Variants in CNTRL observed in about 807,000 individuals in gnomAD.
CNTRL encodes 110 kDa centrosomal protein.
CNTRL carries 233 observed loss-of-function variants against 303.7 expected under a neutral mutation model. The ratio of observed to expected loss-of-function variants is 0.77; its 90% CI spans 0.69 to 0.86. The LOEUF is 0.86. Ranked by LOEUF, CNTRL falls within the 40% of genes least tolerant of loss-of-function variation. The pLI is 0.00. For missense variants in CNTRL, 2,524 were observed against 2,650.6 expected (o/e 0.95, Z 1.05); for synonymous variants, 900 against 922.2 (o/e 0.98, Z 0.44).
intron 39 of CNTRL, chr9:121,171,144 A>C: frequency 2.0e-6 from 1 of 505,730 alleles, no homozygotes; most frequent in Non-Finnish European, 3.7e-6. Context: ...GGGTATTATT[A>C]TTCTCATTTT....
chr9:121,138,061 T>G (rs888482674), intron 15 of CNTRL, among the ~76,000 whole-genome samples: 1 of 152,210 alleles, frequency 6.6e-6, no homozygotes, highest in African/African-American at 2.4e-5. Context: ...ATGAACTCAC[T>G]TGTGATGCTT....
chr9:121,120,348 A>T (rs2050173075), intron 12 of CNTRL, among the ~76,000 whole-genome samples: 2 of 152,216 alleles, frequency 1.3e-5, no homozygotes, highest in African/African-American at 4.8e-5. Flanking sequence ...ATTGAAACCA[A>T]GGTATTAATA....
At chr9:121,153,082 C>G (rs1376720764) in intron 26 of CNTRL, among the ~76,000 whole-genome samples, 6 of 152,220 alleles carry the variant, frequency 3.9e-5, no homozygotes, top group Admixed American at 3.9e-4. Context: ...CAGTTGGTCT[C>G]TAAATCCTGC....
intron 31 of CNTRL, 52 bp downstream of exon 31, chr9:121,159,071 T>G: frequency 6.7e-7 from 1 of 1,497,888 alleles, no homozygotes; most frequent in Non-Finnish European, 9.1e-7. Flanking sequence ...TGCTATAGGT[T>G]TACTTTGATG....
chr9:121,128,825 G>A (rs1310646489), intron 14 of CNTRL, among the ~76,000 whole-genome samples: 1 of 152,184 alleles, frequency 6.6e-6, no homozygotes, highest in Non-Finnish European at 1.5e-5. Context: ...TGTATAAGGT[G>A]TAAGGAAGAG....
At chr9:121,141,264 A>T in intron 17 of CNTRL, 117 bp from the exon 18 acceptor site, 1 of 762,058 alleles carries the variant, frequency 1.3e-6, no homozygotes, top group Non-Finnish European at 2.1e-6. Context: ...ATTGCTATAG[A>T]TTGACACCAG....
intron 27 of CNTRL, among the ~76,000 whole-genome samples, chr9:121,156,388 A>G (rs1272826073): frequency 6.6e-6 from 1 of 152,124 alleles, no homozygotes; most frequent in Non-Finnish European, 1.5e-5. Context: ...AGTGTGCCAG[A>G]CATGTTAAAA....
Position 121,085,176 on chromosome 9 carries a change from A to G in CNTRL, c.-31-3120A>G, listed in dbSNP as rs577216144. ...GATTTAAAAGATATTTTATGGTTTC[A>G]TTTCTCTAAAGTTCAAAAATAGTTC... On this transcript the variant is annotated intron_variant, in intron 2 of 43. Transcript: ENST00000373855. Among the ~76,000 whole-genome samples, 3 of 152,314 alleles carry G rather than the reference A, an allele frequency of 2.0e-5. No homozygotes were observed. The South Asian group carries it at 6.2e-4, about 32-fold the overall frequency.
In CNTRL at chr9:121,177,542, T is replaced by C. The variant is rs769695347; in HGVS notation, c.*356T>C. The C allele has an allele frequency of 1.2e-5, 3 of 244,930 alleles. No homozygotes were observed. The highest frequency in any genetic ancestry group is 2.2e-5 in the African/African-American group (1 of 45,398). The allele number at this position is 244,930 out of a possible 1,614,324, so 15.2% of individuals were successfully genotyped here. A position where few individuals can be genotyped will look rare whatever the true frequency, so the allele number is the denominator to read the frequency against. ...ATGTACTTAAGGCCCTCTTTATTTA[T>C]AGTGTCGAGTTATTTTTGAATTTTG... On this transcript the variant is annotated 3_prime_UTR_variant, in exon 44 of 44. Transcript: ENST00000373855.
Position 121,160,229 on chromosome 9 carries a change from TA to T in CNTRL, c.5017del (p.Ile1673Ter). On this transcript the variant is annotated frameshift_variant, in exon 32 of 44. Transcript: ENST00000373855. LOFTEE classifies it high-confidence loss of function. ...GTGAAAGAAAAACTCAACTTACACT[TA>T]TAAAGCAGGAAATTGAAAAAGAGGA... ...ISERKTQLTL[I>X]KQEIEKEEEN... 6.4e-7 allele frequency: 1 copy of T among 1,567,214 alleles called. No homozygotes were observed.
Position 121,136,083 on chromosome 9 carries a change from A to G in CNTRL, c.2202+101A>G. 3 of 1,081,218 alleles carry G rather than the reference A, an allele frequency of 2.8e-6. 1 individual carries two copies. The South Asian group carries it at 5.2e-5, about 19-fold the overall frequency. The allele number at this position is 1,081,218 out of a possible 1,614,324, so 67.0% of individuals were successfully genotyped here. A position where few individuals can be genotyped will look rare whatever the true frequency, so the allele number is the denominator to read the frequency against. The stretch of plus-strand genomic sequence containing the variant: ...TTAATTTAAAATTAAGCGTTTTTTC[A>G]TACAATATATATGGAGTGATGGGAA... On this transcript the variant is annotated intron_variant, in intron 15 of 43. Coordinates refer to ENST00000373855, the MANE Select transcript of CNTRL (RefSeq NM_007018.6).
chr9:121,102,093 A>G (rs975446457), intron 7 of CNTRL, among the ~76,000 whole-genome samples: 2 of 152,178 alleles, frequency 1.3e-5, no homozygotes, highest in African/African-American at 4.8e-5. Flanking sequence ...CAGAGACACA[A>G]CAAAAAAAGA....
chr9:121,104,494 C>T (rs1463207975), intron 7 of CNTRL, among the ~76,000 whole-genome samples: 1 of 151,842 alleles, frequency 6.6e-6, no homozygotes, highest in African/African-American at 2.4e-5. Context: ...ACGTTGTGCA[C>T]ATGTACCCTA....
In CNTRL at chr9:121,141,986, A is replaced by T. The variant is rs910148480; in HGVS notation, c.2692-105A>T. On this transcript the variant is annotated intron_variant, in intron 18 of 43. Coordinates refer to ENST00000373855, the MANE Select transcript of CNTRL (RefSeq NM_007018.6). ...CTGACAACTCATTAGTAAAAAATTA[A>T]GTTACAGCCTGTTGTAAAATGGGTG... 14 of 883,712 alleles carry T rather than the reference A, an allele frequency of 1.6e-5. No homozygotes were observed. The African/African-American group carries it at 2.4e-4, about 15-fold the overall frequency. The allele number at this position is 883,712 out of a possible 1,614,324, so 54.7% of individuals were successfully genotyped here.
chr9:121,157,839 C>T lies in CNTRL; in HGVS notation c.4596C>T (p.Asp1532=). The change falls in exon 29 of 44, where the codon GAC becomes GAT. Residue 1532 remains aspartate, a synonymous_variant. Transcript: ENST00000373855. The part of the protein sequence containing the change: ...INKIVAAKDS[D]FQCLSKKKEK... ...AAATTGTAGCAGCAAAAGACTCAGA[C>T]TTCCAATGTTTAAGCAAGAAGAAGG... The T allele has an allele frequency of 6.2e-7, 1 of 1,614,152 alleles. No homozygotes were observed. Among genetic ancestry groups the T allele is most frequent in the Non-Finnish European group, 8.5e-7 (1 of 1,180,034 alleles).
intron 19 of CNTRL, among the ~76,000 whole-genome samples, chr9:121,143,680 A>G (rs2051659319): frequency 6.6e-6 from 1 of 152,202 alleles, no homozygotes; most frequent in South Asian, 2.1e-4. Context: ...CAATGAATGG[A>G]TGAAGTTATG....
chr9:121,075,019 C>T lies in CNTRL; in HGVS notation c.-253C>T, dbSNP rs1240794726. ...GCCCCTGAGGAAAGAGCCCGAACTT[C>T]TCCCGCTCTACCTCAGCCTGCGGGA... On this transcript the variant is annotated 5_prime_UTR_variant, in exon 1 of 44. Transcript: ENST00000373855. 2.2e-6 allele frequency: 1 copy of T among 453,396 alleles called. No individual in the cohort carries two copies. The allele number at this position is 453,396 out of a possible 1,614,324, so 28.1% of individuals were successfully genotyped here.
At chr9:121,080,842 C>G (rs906875281) in intron 2 of CNTRL, among the ~76,000 whole-genome samples, 5 of 152,272 alleles carry the variant, frequency 3.3e-5, no homozygotes, top group Non-Finnish European at 4.4e-5. Flanking sequence ...GGCCAACACC[C>G]CTGTAACAAA....
At chr9:121,160,553 A>G (rs113077951) in intron 32 of CNTRL, among the ~76,000 whole-genome samples, 70 of 152,364 alleles carry the variant, frequency 4.6e-4, no homozygotes, top group African/African-American at 1.2e-3. Flanking sequence ...CAGTCTATCA[A>G]TTGAGGTATA....
Sources: gnomAD v4.1 joint callset for allele counts (sites outside exome capture counted in the v4.1 genomes callset) on GRCh38, gnomAD v4.1.1 for gene constraint, MANE v1.5 for transcripts, NCBI Gene and HGNC (gene_info 2026-07-23, HGNC 2026-07-21) for gene names.